GRID1: variants seen among roughly 807,000 people sequenced by gnomAD.
The protein encoded by GRID1 is glutamate ionotropic receptor delta type subunit 1, also known as glutamate receptor ionotropic, delta-1.
Under a neutral mutation model 98.0 loss-of-function variants are expected in GRID1, and 28 were observed. The ratio of observed to expected loss-of-function variants is 0.29; its 90% CI spans 0.21 to 0.39. GRID1 has a LOEUF of 0.39. Among genes scored for constraint, GRID1 ranks in the 10% least tolerant of loss-of-function variants. GRID1 has a pLI of 1.00. For synonymous variants in GRID1, 553 were observed against 538.5 expected, an observed-to-expected ratio of 1.03 and a Z score of -0.37; for missense variants, 1,111 against 1,340.5, an observed-to-expected ratio of 0.83 and a Z score of 2.67.
intron 8 of GRID1, among the ~76,000 whole-genome samples, chr10:85,816,609 C>T (rs1332787622): frequency 6.6e-6 from 1 of 152,206 alleles, no homozygotes; most frequent in Non-Finnish European, 1.5e-5. Flanking sequence ...TTGGTGGATA[C>T]ATGACACTGT....
At chr10:86,159,968 A>G (rs1845298172) in intron 3 of GRID1, among the ~76,000 whole-genome samples, 1 of 152,070 alleles carries the variant, frequency 6.6e-6, no homozygotes, top group Non-Finnish European at 1.5e-5. Context: ...CATCACCTTC[A>G]TCATCACCAC....
intron 6 of GRID1, among the ~76,000 whole-genome samples, chr10:85,864,705 A>T (rs56714422): frequency 0.012 from 1,755 of 152,282 alleles, 35 homozygotes; most frequent in African/African-American, 0.04. Context: ...AAAAATAGGG[A>T]TGTTAGAGGG....
intron 2 of GRID1, among the ~76,000 whole-genome samples, chr10:86,326,105 T>C (rs1848046756): frequency 6.6e-6 from 1 of 152,150 alleles, no homozygotes; most frequent in South Asian, 2.1e-4. Flanking sequence ...AATTAGAAAA[T>C]GTAATCTAAA....
chr10:86,165,429 C>T (rs1003862003), intron 3 of GRID1, among the ~76,000 whole-genome samples: 5 of 152,192 alleles, frequency 3.3e-5, no homozygotes, highest in South Asian at 2.1e-4. Flanking sequence ...TGGGAGCACA[C>T]GGACCCTGCA....
At chr10:85,930,079 T>C (rs974420132) in intron 4 of GRID1, among the ~76,000 whole-genome samples, 1 of 152,214 alleles carries the variant, frequency 6.6e-6, no homozygotes, top group Non-Finnish European at 1.5e-5. Flanking sequence ...TCCTTGCTTA[T>C]ACAACTTTTG....
intron 2 of GRID1, among the ~76,000 whole-genome samples, chr10:86,227,977 T>C (rs548913649): frequency 4.9e-4 from 74 of 152,020 alleles, no homozygotes; most frequent in African/African-American, 1.7e-3. Context: ...GGCAGACTGA[T>C]GGGTGAATGG....
rs567513152 is a variant in GRID1, at chr10:85,879,197, C to T, written c.781-10017G>A. Among the ~76,000 whole-genome samples, 14 of 152,226 alleles carry T rather than the reference C, an allele frequency of 9.2e-5. No individual in the cohort carries two copies. The East Asian group carries it at 1.5e-3, about 17-fold the overall frequency. ...GGAGACTTTAACACCCCACTGTCAA[C>T]ATTAGACAGATCAACGAGACAGAAA... On this transcript the variant is annotated intron_variant, in intron 5 of 15. Transcript: ENST00000327946.
chr10:86,335,019 C>G (rs139872677), intron 2 of GRID1, among the ~76,000 whole-genome samples: 1 of 152,374 alleles, frequency 6.6e-6, no homozygotes, highest in African/African-American at 2.4e-5. Flanking sequence ...ATATGCCCAC[C>G]ACCTAGCACA....
At chr10:85,912,118 T>G (rs975513815) in intron 5 of GRID1, among the ~76,000 whole-genome samples, 1 of 152,236 alleles carries the variant, frequency 6.6e-6, no homozygotes. Context: ...CTCAGGGCAT[T>G]GAGGATTCAG....
intron 3 of GRID1, among the ~76,000 whole-genome samples, chr10:86,155,162 C>T (rs1274477536): frequency 2.0e-5 from 3 of 152,222 alleles, no homozygotes; most frequent in African/African-American, 7.2e-5. Context: ...CTGCCAGATG[C>T]CCTCTGCCCA....
intron 4 of GRID1, among the ~76,000 whole-genome samples, chr10:86,056,023 T>C (rs1843568008): frequency 6.6e-6 from 1 of 152,214 alleles, no homozygotes; most frequent in Admixed American, 6.5e-5. Context: ...GCAGACAACG[T>C]CTCACAGCTG....
chr10:86,289,989 G>A (rs1026434052), intron 2 of GRID1, among the ~76,000 whole-genome samples: 2 of 152,212 alleles, frequency 1.3e-5, no homozygotes, highest in South Asian at 2.1e-4. Flanking sequence ...ACAAGACACC[G>A]CGAGGGAGCA....
At chr10:86,121,739 ACT>A (rs1375964314) in intron 4 of GRID1, among the ~76,000 whole-genome samples, 1 of 152,180 alleles carries the variant, frequency 6.6e-6, no homozygotes, top group African/African-American at 2.4e-5. Flanking sequence ...GTCTTGTTAA[ACT>A]CTCATCACAT....
intron 4 of GRID1, among the ~76,000 whole-genome samples, chr10:86,072,855 C>G (rs1458333829): frequency 6.6e-6 from 1 of 152,252 alleles, no homozygotes; most frequent in East Asian, 1.9e-4. Context: ...GCGCAGGTGC[C>G]TGTATAGCAC....
At chr10:85,687,244 T>TAAA (rs570422294) in intron 12 of GRID1, among the ~76,000 whole-genome samples, 4 of 148,546 alleles carry the variant, frequency 2.7e-5, no homozygotes, top group African/African-American at 9.9e-5. Context: ...CAAAGTCAAG[T>TAAA]AAAAAAAAAA....
intron 4 of GRID1, among the ~76,000 whole-genome samples, chr10:86,128,277 T>A (rs1844782914): frequency 6.6e-6 from 1 of 152,068 alleles, no homozygotes; most frequent in Admixed American, 6.6e-5. Context: ...AAGTCCTGCA[T>A]CTCCCTGGGG....
intron 3 of GRID1, among the ~76,000 whole-genome samples, chr10:86,180,837 C>T (rs1845645146): frequency 6.6e-6 from 1 of 152,206 alleles, no homozygotes; most frequent in South Asian, 2.1e-4. Flanking sequence ...CCTGTAGCCC[C>T]CTCCTGAAAT....
chr10:85,886,609 T>G (rs1418970508), intron 5 of GRID1, among the ~76,000 whole-genome samples: 1 of 152,160 alleles, frequency 6.6e-6, no homozygotes, highest in South Asian at 2.1e-4. Context: ...TTAAGCTTCT[T>G]AGAAATATTT....
At chr10:86,254,499 T>C (rs566147934) in intron 2 of GRID1, among the ~76,000 whole-genome samples, 3 of 152,354 alleles carry the variant, frequency 2.0e-5, no homozygotes, top group Non-Finnish European at 2.9e-5. Flanking sequence ...AGGTGACGGA[T>C]GCACATAAAA....
Sources: allele counts gnomAD v4.1 joint callset (sites outside exome capture counted in the v4.1 genomes callset), GRCh38; gene constraint gnomAD v4.1.1; transcripts MANE v1.5; gene names NCBI Gene and HGNC (gene_info 2026-07-23, HGNC 2026-07-21).